The following CPED1 variants were observed in gnomAD, a reference collection of about 807,000 sequenced individuals.
CPED1 encodes the protein cadherin like and PC-esterase domain containing 1.
In CPED1, 114 loss-of-function variants were observed where a neutral mutation model predicts 128.2. The ratio of observed to expected loss-of-function variants is 0.89; its 90% CI spans 0.76 to 1.04. CPED1 has a LOEUF of 1.04. Ranked by LOEUF, CPED1 falls within the 50% of genes least tolerant of loss-of-function variation. The probability of loss-of-function intolerance (pLI) is 0.00; values close to 1 mark genes in which losing one functional copy is unlikely to be tolerated. For synonymous variants in CPED1, 462 were observed against 426.7 expected (o/e 1.08, Z -1.02); for missense variants, 1,211 against 1,207.1 (o/e 1.00, Z -0.05).
chr7:121,085,025 C>G (rs1268643640), intron 5 of CPED1, among the ~76,000 whole-genome samples: 1 of 152,014 alleles, frequency 6.6e-6, no homozygotes, highest in Non-Finnish European at 1.5e-5. Context: ...TCAGAGATCA[C>G]TTCCTATGTA....
intron 2 of CPED1, among the ~76,000 whole-genome samples, chr7:120,993,148 T>C (rs919251303): frequency 1.3e-5 from 2 of 152,240 alleles, no homozygotes; most frequent in Admixed American, 6.5e-5. Flanking sequence ...TTCAATTTAA[T>C]ATATAAACAC....
At chr7:121,275,457 G>A (rs1346496065) in intron 22 of CPED1, among the ~76,000 whole-genome samples, 5 of 152,052 alleles carry the variant, frequency 3.3e-5, no homozygotes, top group Admixed American at 6.6e-5. Context: ...TGGTGCCTTC[G>A]GTTATGTGGC....
intron 6 of CPED1, among the ~76,000 whole-genome samples, chr7:121,098,982 C>G (rs1485069872): frequency 6.6e-6 from 1 of 150,632 alleles, no homozygotes; most frequent in East Asian, 1.9e-4. Flanking sequence ...AAATATTAAA[C>G]TGGTGTTACT....
At chr7:121,287,260 C>A (rs1023409742) in intron 22 of CPED1, among the ~76,000 whole-genome samples, 1 of 151,992 alleles carries the variant, frequency 6.6e-6, no homozygotes, top group Non-Finnish European at 1.5e-5. Context: ...AACCTCCTGC[C>A]ACACAGACAC....
intron 18 of CPED1, among the ~76,000 whole-genome samples, chr7:121,253,537 C>G (rs1250505853): frequency 2.0e-5 from 3 of 151,898 alleles, no homozygotes; most frequent in East Asian, 1.9e-4. Context: ...TACATAACAA[C>G]CAGCTAATAA....
At position 120,989,833 on chromosome 7, in the gene CPED1, G is replaced by T; in HGVS notation, c.212G>T (p.Cys71Phe). Reference sequence around the variant, plus strand: ...AAAGGATTCTCTCAGGACAAACAGTGCTTCCTTCTCTCTGGTAATGCCCAG... The same window carrying T: ...AAAGGATTCTCTCAGGACAAACAGTTCTTCCTTCTCTCTGGTAATGCCCAG... ...CKKGFSQDKQ[C>F]FLLSGNAQET... is the part of the protein sequence containing the mutation. Residue 71 changes from cysteine to phenylalanine, a missense_variant, in exon 2 of 23, where the codon TGC becomes TTC. Coordinates refer to ENST00000310396, the MANE Select transcript of CPED1 (RefSeq NM_024913.5). 4 of 1,614,070 alleles carry T rather than the reference G, an allele frequency of 2.5e-6. No individual in the cohort carries two copies. Among genetic ancestry groups the T allele is most frequent in the South Asian group, 1.1e-5 (1 of 91,070 alleles).
rs1433424572 is a variant in CPED1, at chr7:121,095,612, T to C, written c.617-2087T>C. Among the ~76,000 whole-genome samples the C allele has an allele frequency of 2.6e-5, 4 of 152,248 alleles. No individual in the cohort carries two copies. The East Asian group carries it at 7.7e-4, about 29-fold the overall frequency. On this transcript the variant is annotated intron_variant, in intron 5 of 22. Transcript: ENST00000310396. Reference sequence around the variant, plus strand: ...TAACATTATTTTGCTCAGTATTCATTTCCATTATCCGATCACAGTTTCAGA... The same window carrying C: ...TAACATTATTTTGCTCAGTATTCATCTCCATTATCCGATCACAGTTTCAGA...
chr7:121,084,698 C>T (rs1390879073), intron 5 of CPED1, among the ~76,000 whole-genome samples: 1 of 152,180 alleles, frequency 6.6e-6, no homozygotes, highest in Non-Finnish European at 1.5e-5. Context: ...TATGCAAAAC[C>T]ACATCAAGCT....
intron 16 of CPED1, among the ~76,000 whole-genome samples, chr7:121,232,348 A>C (rs770347697): frequency 1.3e-5 from 2 of 152,060 alleles, no homozygotes; most frequent in African/African-American, 2.4e-5. Flanking sequence ...GATCAGTGAA[A>C]TTGGATTAGA....
At chr7:121,067,255 C>G (rs1793854198) in intron 5 of CPED1, among the ~76,000 whole-genome samples, 1 of 151,302 alleles carries the variant, frequency 6.6e-6, no homozygotes, top group Non-Finnish European at 1.5e-5. Flanking sequence ...CTAATGCTAT[C>G]CCTCCCCCAT....
intron 16 of CPED1, among the ~76,000 whole-genome samples, chr7:121,167,055 G>A (rs1796543329): frequency 6.6e-6 from 1 of 152,190 alleles, no homozygotes. Context: ...CCCTCAGGGA[G>A]GAAGGTAAAA....
At chr7:121,246,943 T>C (rs1185817901) in intron 18 of CPED1, among the ~76,000 whole-genome samples, 6 of 152,196 alleles carry the variant, frequency 3.9e-5, no homozygotes, top group Admixed American at 6.5e-5. Flanking sequence ...GAAATTCAAA[T>C]TTGCCAACAC....
chr7:121,115,824 C>T (rs907517436), intron 7 of CPED1, among the ~76,000 whole-genome samples: 9 of 152,208 alleles, frequency 5.9e-5, no homozygotes, highest in South Asian at 2.1e-4. Context: ...GTGACCTGCT[C>T]GAACAATGGC....
intron 18 of CPED1, among the ~76,000 whole-genome samples, chr7:121,262,389 A>G (rs1792038780): frequency 6.6e-6 from 1 of 152,042 alleles, no homozygotes; most frequent in Non-Finnish European, 1.5e-5. Flanking sequence ...TAGGAATAGT[A>G]CCTCCTTTTA....
chr7:121,154,628 C>T (rs770235168), intron 16 of CPED1, among the ~76,000 whole-genome samples: 4 of 152,230 alleles, frequency 2.6e-5, no homozygotes, highest in East Asian at 1.9e-4. Context: ...TCACTACAAC[C>T]TCCAGCTCCC....
At chr7:121,022,526 A>G (rs769958981) in intron 3 of CPED1, among the ~76,000 whole-genome samples, 2 of 151,874 alleles carry the variant, frequency 1.3e-5, no homozygotes, top group African/African-American at 2.4e-5. Flanking sequence ...CTTTCTATAC[A>G]TATTCAGTTA....
intron 16 of CPED1, among the ~76,000 whole-genome samples, chr7:121,159,476 T>C (rs1233812107): frequency 2.0e-5 from 3 of 152,242 alleles, no homozygotes; most frequent in Non-Finnish European, 4.4e-5. Context: ...TTATGCCGGG[T>C]ACATGGATTC....
chr7:121,050,630 A>AT (rs756577319), intron 4 of CPED1, among the ~76,000 whole-genome samples: 10 of 151,974 alleles, frequency 6.6e-5, no homozygotes, highest in East Asian at 1.9e-4. Flanking sequence ...CACCCAGCTA[A>AT]TTTTTTGTAT....
At chr7:121,192,829 A>T (rs1797175787) in intron 16 of CPED1, among the ~76,000 whole-genome samples, 2 of 152,184 alleles carry the variant, frequency 1.3e-5, no homozygotes, top group Admixed American at 6.5e-5. Flanking sequence ...TCTTATATCA[A>T]AATTTTAAGA....
Sources: allele counts gnomAD v4.1 joint callset (sites outside exome capture counted in the v4.1 genomes callset), GRCh38; gene constraint gnomAD v4.1.1; transcripts MANE v1.5; gene names NCBI Gene and HGNC (gene_info 2026-07-23, HGNC 2026-07-21).